Variants in TSPAN11 observed in about 807,000 individuals in gnomAD.
The protein encoded by TSPAN11 is tetraspanin 11.
A neutral mutation model predicts 32.9 loss-of-function variants in TSPAN11; 29 were observed. The ratio of observed to expected loss-of-function variants is 0.88; its 90% confidence interval spans 0.66 to 1.20. The LOEUF (loss-of-function observed/expected upper bound fraction) is 1.20. Among genes scored for constraint, TSPAN11 ranks in the 50% most tolerant of loss-of-function variants. The probability of loss-of-function intolerance (pLI) is 0.00; values close to 1 mark genes in which losing one functional copy is unlikely to be tolerated. For missense variants in TSPAN11, 283 were observed against 329.1 expected (o/e 0.86, Z 1.08); for synonymous variants, 140 against 141.3 (o/e 0.99, Z 0.07).
intron 1 of TSPAN11, among the ~76,000 whole-genome samples, chr12:30,939,340 G>T (rs1938112740): frequency 1.3e-5 from 2 of 152,218 alleles, no homozygotes; most frequent in African/African-American, 4.8e-5. Flanking sequence ...CTGTGCTGAA[G>T]CTGCAGGGGG....
At chr12:30,942,362 G>A (rs1938183989) in intron 1 of TSPAN11, among the ~76,000 whole-genome samples, 1 of 152,148 alleles carries the variant, frequency 6.6e-6, no homozygotes, top group African/African-American at 2.4e-5. Context: ...GAGGTCACAG[G>A]ATTTGTCCAG....
intron 6 of TSPAN11, 94 bp from the exon 7 acceptor site, chr12:30,982,970 A>AGT (rs2140307222): frequency 7.4e-7 from 1 of 1,357,324 alleles, no homozygotes; most frequent in Admixed American, 2.0e-5. Context: ...TCCTCTGGCC[A>AGT]GTCCTCAGCC....
chr12:30,965,866 G>A (rs1938721070), intron 3 of TSPAN11, among the ~76,000 whole-genome samples: 1 of 152,136 alleles, frequency 6.6e-6, no homozygotes, highest in Non-Finnish European at 1.5e-5. Context: ...GGGCACAGGA[G>A]AGGCACAGGA....
At chr12:30,929,673 G>A (rs1937877138) in intron 1 of TSPAN11, among the ~76,000 whole-genome samples, 1 of 152,184 alleles carries the variant, frequency 6.6e-6, no homozygotes, top group African/African-American at 2.4e-5. Flanking sequence ...GTAGTTGGCA[G>A]TGCTGAGGAA....
At chr12:30,936,006 A>C (rs1305229974) in intron 1 of TSPAN11, among the ~76,000 whole-genome samples, 1 of 152,210 alleles carries the variant, frequency 6.6e-6, no homozygotes, top group Non-Finnish European at 1.5e-5. Context: ...TTATTCCCTA[A>C]TGCCAGCTCT....
intron 1 of TSPAN11, among the ~76,000 whole-genome samples, chr12:30,929,806 T>C (rs1347057541): frequency 6.6e-6 from 1 of 152,220 alleles, no homozygotes; most frequent in Non-Finnish European, 1.5e-5. Flanking sequence ...TTCCAAGCTC[T>C]CCTCCACGTA....
rs1939328699 is a variant in TSPAN11 at position 30,992,202 on chromosome 12, C to A, written c.*287C>A. 9.7e-6 allele frequency: 5 copies of A among 514,586 alleles called. No homozygotes were observed. Among genetic ancestry groups the A allele is most frequent in the African/African-American group, 1.9e-5 (1 of 52,290 alleles). The allele number at this position is 514,586 out of a possible 1,614,324, so 31.9% of individuals were successfully genotyped here. ...GAGCCCCTCACCAGGAACGGGGGCA[C>A]CCGTGGACTACGGGAGGGTGGCGGT... On this transcript the variant is annotated 3_prime_UTR_variant, in exon 8 of 8. Transcript: ENST00000546076.
At chr12:31,007,798 C>T in the TSPAN11 span, among the ~76,000 whole-genome samples, 1 of 152,216 alleles carries the variant, frequency 6.6e-6, no homozygotes, top group Non-Finnish European at 1.5e-5. Context: ...CCAAGAACTT[C>T]GTCTCGGGGA....
At chr12:30,982,117 ATC>A (rs1264366866) in intron 5 of TSPAN11, among the ~76,000 whole-genome samples, 1 of 152,046 alleles carries the variant, frequency 6.6e-6, no homozygotes. Context: ...ACCAGGCTAG[ATC>A]TCTGTCCCCA....
chr12:30,991,369 C>A (rs1367306241), intron 7 of TSPAN11, among the ~76,000 whole-genome samples: 1 of 152,170 alleles, frequency 6.6e-6, no homozygotes, highest in Non-Finnish European at 1.5e-5. Context: ...CTAAGGACAG[C>A]AAAACACAGG....
At position 30,984,123 on chromosome 12, in the gene TSPAN11, G is replaced by A. The variant is rs149354332; in HGVS notation, c.702+973G>A. ...CCTGCAGTCCCCAGCTCACGAACACGCCTGCTTCCGCTCAGCAGGAGCTGA... is the reference window on the plus strand; with the variant it reads ...CCTGCAGTCCCCAGCTCACGAACACACCTGCTTCCGCTCAGCAGGAGCTGA... On this transcript the variant is annotated intron_variant, in intron 7 of 7. Transcript: ENST00000546076. Among the ~76,000 whole-genome samples the A allele has an allele frequency of 6.7e-3, 1,016 of 152,276 alleles. 20 individuals are homozygous for A. In the East Asian group the frequency reaches 0.078, roughly 12 times the overall value.
chr12:30,984,620 G>A (rs1939165126), intron 7 of TSPAN11, among the ~76,000 whole-genome samples: 1 of 140,622 alleles, frequency 7.1e-6, no homozygotes, highest in Non-Finnish European at 1.5e-5. Context: ...GTGCAGTGGT[G>A]CCACCTCAGC....
Position 30,958,005 on chromosome 12 carries a change from A to T in TSPAN11, c.84+3930A>T, listed in dbSNP as rs139445323. On this transcript the variant is annotated intron_variant, in intron 2 of 7. Transcript: ENST00000546076. ...AATAAAATAAATAGAGTATGAGTGTAACTATGGAAACGTGCAAGACCTGGA... is the reference window on the plus strand; with the variant it reads ...AATAAAATAAATAGAGTATGAGTGTTACTATGGAAACGTGCAAGACCTGGA... 4.7e-4 allele frequency among the ~76,000 whole-genome samples: 72 copies of T among 152,194 alleles called. 1 individual carries two copies. The highest frequency in any genetic ancestry group is 1.7e-3 in the African/African-American group (71 of 41,534).
the TSPAN11 span, among the ~76,000 whole-genome samples, chr12:31,007,449 G>A: frequency 1.5e-4 from 23 of 152,016 alleles, no homozygotes; most frequent in East Asian, 3.9e-4. Context: ...ACCTGGGATA[G>A]GTCGTCTGCC....
chr12:31,014,639 C>T, the TSPAN11 span, among the ~76,000 whole-genome samples: 2 of 152,186 alleles, frequency 1.3e-5, no homozygotes, highest in Non-Finnish European at 2.9e-5. Context: ...GATACCTCAT[C>T]ATGATACTTT....
chr12:31,005,613 A>G, the TSPAN11 span, among the ~76,000 whole-genome samples: 1 of 152,136 alleles, frequency 6.6e-6, no homozygotes, highest in Non-Finnish European at 1.5e-5. Flanking sequence ...CCGCCCCTCC[A>G]CCACTGAGAA....
At chr12:30,963,677 T>C (rs1938660531) in intron 2 of TSPAN11, 149 bp from the exon 3 acceptor site, 1 of 810,764 alleles carries the variant, frequency 1.2e-6, no homozygotes, top group African/African-American at 1.7e-5. Context: ...TCCTCATCTG[T>C]AAAATTGGGT....
At chr12:30,956,694 C>T (rs1184175623) in intron 2 of TSPAN11, among the ~76,000 whole-genome samples, 1 of 146,690 alleles carries the variant, frequency 6.8e-6, no homozygotes, top group Non-Finnish European at 1.5e-5. Context: ...TCTGTGGCCA[C>T]CCAGGAGATG....
downstream of TSPAN11, among the ~76,000 whole-genome samples, chr12:30,997,820 G>A (rs140178150): frequency 3.5e-4 from 53 of 152,288 alleles, no homozygotes; most frequent in African/African-American, 1.2e-3. Context: ...CACAGCTGCT[G>A]TGAACCCAAT....
Sources: gnomAD v4.1 joint callset for allele counts (sites outside exome capture counted in the v4.1 genomes callset) on GRCh38, gnomAD v4.1.1 for gene constraint, MANE v1.5 for transcripts, NCBI Gene and HGNC (gene_info 2026-07-23, HGNC 2026-07-21) for gene names.